Variants in C2CD5 observed in about 807,000 individuals in gnomAD.
C2CD5 encodes C2 calcium dependent domain containing 5, also known as C2 domain-containing protein 5.
In C2CD5, 109 loss-of-function variants were observed where a neutral mutation model predicts 130.3. The ratio of observed to expected loss-of-function variants is 0.84; its 90% CI spans 0.72 to 0.98. The LOEUF is 0.98. Ranked by LOEUF, C2CD5 falls within the 50% of genes least tolerant of loss-of-function variation. C2CD5 has a pLI of 0.00. For missense variants in C2CD5, 996 were observed against 1,261.8 expected (o/e 0.79, Z 3.19); for synonymous variants, 454 against 429.2 (o/e 1.06, Z -0.71).
At chr12:22,513,892 C>T (rs764969919) in intron 8 of C2CD5, among the ~76,000 whole-genome samples, 29 of 152,152 alleles carry the variant, frequency 1.9e-4, no homozygotes, top group Middle Eastern at 3.4e-3. Context: ...TATAACTTCC[C>T]ATTTCTAAAC....
At chr12:22,459,818 T>C (rs1386703292) in intron 22 of C2CD5, among the ~76,000 whole-genome samples, 3 of 152,160 alleles carry the variant, frequency 2.0e-5, no homozygotes, top group Non-Finnish European at 4.4e-5. Flanking sequence ...CAAGAAAATA[T>C]AAACATAGTA....
At chr12:22,466,797 A>G (rs1166511924) in intron 22 of C2CD5, among the ~76,000 whole-genome samples, 4 of 152,260 alleles carry the variant, frequency 2.6e-5, no homozygotes, top group Admixed American at 6.5e-5. Context: ...TATTCAAGGA[A>G]AAGCACATAG....
chr12:22,450,010 G>T (rs1938200589), intron 26 of C2CD5, 119 bp from the exon 27 acceptor site: 2 of 726,244 alleles, frequency 2.8e-6, no homozygotes, highest in Admixed American at 2.5e-5. Context: ...TTAGGATAAA[G>T]ATAGGCAATC....
At chr12:22,517,315 T>C (rs1949832618) in intron 8 of C2CD5, among the ~76,000 whole-genome samples, 1 of 151,762 alleles carries the variant, frequency 6.6e-6, no homozygotes, top group Non-Finnish European at 1.5e-5. Flanking sequence ...TTTAATGATT[T>C]AAATAAGTTA....
intron 2 of C2CD5, among the ~76,000 whole-genome samples, chr12:22,542,263 C>A (rs1416438625): frequency 2.0e-5 from 3 of 152,220 alleles, no homozygotes; most frequent in Non-Finnish European, 2.9e-5. Context: ...CCTGGCCAGG[C>A]GTGGTGGCTC....
At chr12:22,500,309 G>A (rs1398934552) in intron 10 of C2CD5, among the ~76,000 whole-genome samples, 1 of 151,576 alleles carries the variant, frequency 6.6e-6, no homozygotes, top group African/African-American at 2.4e-5. Context: ...AAGCAACGTA[G>A]TAAGCATGAA....
Position 22,451,696 on chromosome 12 carries a change from G to GA in C2CD5, c.3025-1806dup, listed in dbSNP as rs777134331. Among the ~76,000 whole-genome samples, 201 of 136,278 alleles carry GA rather than the reference G, an allele frequency of 1.5e-3. 1 individual carries two copies. Among genetic ancestry groups the GA allele is most frequent in the Non-Finnish European group, 2.0e-3 (126 of 62,052 alleles). 89.4% of individuals were successfully genotyped at this position (136,278 alleles called of 152,430 possible). On this transcript the variant is annotated intron_variant, in intron 26 of 26. Coordinates refer to ENST00000446597, the MANE Select transcript of C2CD5 (RefSeq NM_001286176.2). ...CTACAAAGTACTAGAAATGAAAAAAGAAAAAAAAAAAGCACAGTTCATTTG... is the reference window on the plus strand; with the variant it reads ...CTACAAAGTACTAGAAATGAAAAAAGAAAAAAAAAAAAGCACAGTTCATTTG...
chr12:22,491,692 C>T (rs991558460), intron 11 of C2CD5, among the ~76,000 whole-genome samples: 1 of 151,630 alleles, frequency 6.6e-6, no homozygotes. Context: ...ACCAACATGG[C>T]GAAACCCCAT....
chr12:22,452,960 T>G (rs1348085054), intron 26 of C2CD5, among the ~76,000 whole-genome samples: 1 of 152,170 alleles, frequency 6.6e-6, no homozygotes, highest in Non-Finnish European at 1.5e-5. Context: ...GCTTATATAT[T>G]TATGACAGCA....
rs181064099 is a variant in C2CD5 at position 22,529,197 on chromosome 12, A to G, written c.178-1305T>C. On this transcript the variant is annotated intron_variant, in intron 3 of 26. Coordinates refer to ENST00000446597, the MANE Select transcript of C2CD5 (RefSeq NM_001286176.2). ...TTGTGCATGCTTGAAATTTTCCATA[A>G]TGAAATGTTAAAATAAAATGATCAT... 5.3e-5 allele frequency among the ~76,000 whole-genome samples: 8 copies of G among 152,290 alleles called. No homozygotes were observed. In the East Asian group the frequency reaches 1.5e-3, roughly 29 times the overall value.
intron 3 of C2CD5, among the ~76,000 whole-genome samples, chr12:22,528,672 A>G (rs920473718): frequency 6.6e-6 from 1 of 152,200 alleles, no homozygotes; most frequent in African/African-American, 2.4e-5. Context: ...ATACTTTTAA[A>G]ATGCAGTCCA....
At chr12:22,490,720 T>C (rs1591820742) in intron 11 of C2CD5, among the ~76,000 whole-genome samples, 1 of 152,138 alleles carries the variant, frequency 6.6e-6, no homozygotes, top group East Asian at 1.9e-4. Flanking sequence ...CAAAATATAC[T>C]AAATGAAGCT....
At chr12:22,479,273 C>A (rs1223538210) in intron 14 of C2CD5, among the ~76,000 whole-genome samples, 2 of 152,106 alleles carry the variant, frequency 1.3e-5, no homozygotes, top group South Asian at 4.1e-4. Flanking sequence ...GGGTTTTCAT[C>A]ATGTTGGCCA....
chr12:22,501,329 T>C (rs1030223488), intron 10 of C2CD5, among the ~76,000 whole-genome samples: 4 of 152,150 alleles, frequency 2.6e-5, no homozygotes, highest in African/African-American at 9.7e-5. Flanking sequence ...TGGGACAACG[T>C]CCTTACTATG....
chr12:22,536,832 A>C (rs1020237165), intron 2 of C2CD5, among the ~76,000 whole-genome samples: 1 of 152,178 alleles, frequency 6.6e-6, no homozygotes, highest in Non-Finnish European at 1.5e-5. Flanking sequence ...GGAGCATTCA[A>C]GTATTACTTG....
intron 9 of C2CD5, 176 bp from the exon 10 acceptor site, chr12:22,506,995 C>A (rs142144638): frequency 6.9e-4 from 360 of 523,238 alleles, no homozygotes; most frequent in African/African-American, 6.2e-3. Flanking sequence ...AGTTTCAAAT[C>A]CATTTCCCCA....
In C2CD5 at chr12:22,457,107, G is replaced by A. The variant is rs1313382207; in HGVS notation, c.2741C>T (p.Ser914Phe). 3 of 1,611,160 alleles carry A rather than the reference G, an allele frequency of 1.9e-6. No homozygotes were observed. In the African/African-American group the frequency reaches 4.0e-5, roughly 22 times the overall value. ...TGTGGAATTTGCACAAGGTGGAGCAGAACGATTCCGGAAATTTCCATCACC... is the reference window on the plus strand; with the variant it reads ...TGTGGAATTTGCACAAGGTGGAGCAAAACGATTCCGGAAATTTCCATCACC... Reference protein sequence around the residue: ...PVGDGNFRNRSAPPCANSTVG... With the variant: ...PVGDGNFRNRFAPPCANSTVG... Residue 914 changes from serine (S) to phenylalanine (F), a missense_variant, in exon 25 of 27, where the codon TCT (serine) becomes TTT (phenylalanine). By Grantham distance (155) the Ser-to-Phe change is radical. This residue lies in a region of C2CD5 where 590 missense variants were observed against 631.4 expected (regional missense o/e 0.93). Coordinates refer to ENST00000446597, the MANE Select transcript of C2CD5 (RefSeq NM_001286176.2).
chr12:22,502,856 G>A lies in C2CD5; in HGVS notation c.1147+3855C>T. ...ATCAGTTTTAGGTGCAGAATAGTAGGAATAAAACAAAAAACACTACAAACA... is the reference window on the plus strand; with the variant it reads ...ATCAGTTTTAGGTGCAGAATAGTAGAAATAAAACAAAAAACACTACAAACA... On this transcript the variant is annotated intron_variant, in intron 10 of 26. Coordinates refer to ENST00000446597, the MANE Select transcript of C2CD5 (RefSeq NM_001286176.2). 5 of 1,026,650 alleles carry A rather than the reference G, an allele frequency of 4.9e-6. No individual in the cohort carries two copies. The Admixed American group carries it at 6.5e-5, about 13-fold the overall frequency. 63.6% of individuals were successfully genotyped at this position (1,026,650 alleles called of 1,614,324 possible). A position where few individuals can be genotyped will look rare whatever the true frequency, so the allele number is the denominator to read the frequency against.
chr12:22,531,453 G>C lies in C2CD5; in HGVS notation c.178-3561C>G, dbSNP rs139804423. Among the ~76,000 whole-genome samples, 1,045 of 152,272 alleles carry C rather than the reference G, an allele frequency of 6.9e-3. 4 individuals are homozygous for C. Among genetic ancestry groups the C allele is most frequent in the Non-Finnish European group, 0.012 (795 of 68,014 alleles). ...AGACAGACATACAGACCAATGGAAT[G>C]GAGTTGAGAGTGCGGAAATAAATCC... On this transcript the variant is annotated intron_variant, in intron 3 of 26. Transcript: ENST00000446597.
Sources: gnomAD v4.1 joint callset for allele counts (sites outside exome capture counted in the v4.1 genomes callset) on GRCh38, gnomAD v4.1.1 for gene constraint, gnomAD v4.1.1 regional missense constraint, MANE v1.5 for transcripts, NCBI Gene and HGNC (gene_info 2026-07-23, HGNC 2026-07-21) for gene names.